Variants in EYA4 observed in about 807,000 individuals in gnomAD.
EYA4 encodes protein phosphatase EYA4.
In EYA4, 31 loss-of-function variants were observed where a neutral mutation model predicts 87.9. The ratio of observed to expected loss-of-function variants is 0.35; its 90% CI spans 0.27 to 0.48. The LOEUF (loss-of-function observed/expected upper bound fraction) is 0.48. Ranked by LOEUF, EYA4 falls within the 20% of genes least tolerant of loss-of-function variation. The pLI is 0.99. For missense variants in EYA4, 678 were observed against 761.4 expected, an observed-to-expected ratio of 0.89 and a Z score of 1.29; for synonymous variants, 263 against 270.6, an observed-to-expected ratio of 0.97 and a Z score of 0.28.
intron 6 of EYA4, among the ~76,000 whole-genome samples, chr6:133,459,971 T>C (rs1794235071): frequency 6.6e-6 from 1 of 152,116 alleles, no homozygotes; most frequent in Admixed American, 6.6e-5. Flanking sequence ...AAATAGCATT[T>C]TAAACACATT....
At chr6:133,455,945 A>G (rs1793865835) in intron 5 of EYA4, among the ~76,000 whole-genome samples, 1 of 152,144 alleles carries the variant, frequency 6.6e-6, no homozygotes, top group South Asian at 2.1e-4. Context: ...CAAAAGGTGT[A>G]CTTGCTGCTG....
At chr6:133,339,492 T>C (rs748074454) in intron 2 of EYA4, among the ~76,000 whole-genome samples, 1 of 152,112 alleles carries the variant, frequency 6.6e-6, no homozygotes, top group South Asian at 2.1e-4. Context: ...TGGGGAAATA[T>C]GATAACATGT....
At chr6:133,362,374 A>G (rs1304413257) in intron 2 of EYA4, among the ~76,000 whole-genome samples, 1 of 152,144 alleles carries the variant, frequency 6.6e-6, no homozygotes. Context: ...TGGGTTTGTA[A>G]TGCTGATGAA....
chr6:133,385,442 A>T (rs111985518), intron 3 of EYA4, among the ~76,000 whole-genome samples: 3,658 of 117,676 alleles, frequency 0.031, 135 homozygotes, highest in African/African-American at 0.12. Context: ...TGTGTGTGTG[A>T]GAGAGAGAGA....
In EYA4 at chr6:133,315,973, G is replaced by A. The variant is rs576454528; in HGVS notation, c.33+41160G>A. On this transcript the variant is annotated intron_variant, in intron 2 of 19. Coordinates refer to ENST00000355286, the MANE Select transcript of EYA4 (RefSeq NM_004100.5). ...CAGCAGCAAGGTCTGGCTAATGGGA[G>A]CAGGCTGTGACACTAGGCAGCATGT... 4.6e-5 allele frequency among the ~76,000 whole-genome samples: 7 copies of A among 152,264 alleles called. No homozygotes were observed. The South Asian group carries it at 1.5e-3, about 32-fold the overall frequency.
At chr6:133,397,476 C>G (rs576683439) in intron 3 of EYA4, among the ~76,000 whole-genome samples, 4 of 152,250 alleles carry the variant, frequency 2.6e-5, no homozygotes, top group Admixed American at 2.6e-4. Flanking sequence ...AATTTTATTT[C>G]ATGGAAAGGT....
intron 3 of EYA4, among the ~76,000 whole-genome samples, chr6:133,433,718 A>C (rs1791391784): frequency 1.3e-5 from 2 of 152,230 alleles, no homozygotes. Context: ...TAGGAACTTC[A>C]CTGGGAAAGA....
chr6:133,324,650 A>G (rs1334434450), intron 2 of EYA4, among the ~76,000 whole-genome samples: 3 of 152,138 alleles, frequency 2.0e-5, no homozygotes, highest in Non-Finnish European at 2.9e-5. Flanking sequence ...AAGTGGAAAG[A>G]TAGGAGACCA....
chr6:133,447,666 C>T (rs10872405), intron 4 of EYA4, among the ~76,000 whole-genome samples: 47,057 of 152,004 alleles, frequency 0.31, 7,620 homozygotes, highest in East Asian at 0.55. Flanking sequence ...AAAGTTTTCT[C>T]TGTAAGGTTG....
chr6:133,526,850 G>GC (rs928955390), intron 19 of EYA4, among the ~76,000 whole-genome samples: 1 of 152,172 alleles, frequency 6.6e-6, no homozygotes, highest in Non-Finnish European at 1.5e-5. Flanking sequence ...TAGTAATACA[G>GC]CCCCACTCCT....
At chr6:133,496,163 A>G (rs2128740087) in intron 13 of EYA4, among the ~76,000 whole-genome samples, 1 of 152,346 alleles carries the variant, frequency 6.6e-6, no homozygotes, top group East Asian at 1.9e-4. Context: ...ATTGCTAATA[A>G]CAAAAGTGAC....
intron 3 of EYA4, among the ~76,000 whole-genome samples, chr6:133,386,502 A>C (rs1174931821): frequency 6.6e-6 from 1 of 152,188 alleles, no homozygotes; most frequent in Non-Finnish European, 1.5e-5. Flanking sequence ...TATAACACAC[A>C]AATGATTTCT....
chr6:133,455,652 A>G (rs1346739400), intron 5 of EYA4, among the ~76,000 whole-genome samples: 3 of 152,100 alleles, frequency 2.0e-5, no homozygotes, highest in African/African-American at 7.2e-5. Flanking sequence ...CTTCTAAGTT[A>G]TTTAACTGTA....
intron 5 of EYA4, among the ~76,000 whole-genome samples, chr6:133,455,829 G>A (rs1205350662): frequency 6.6e-6 from 1 of 152,046 alleles, no homozygotes; most frequent in Non-Finnish European, 1.5e-5. Context: ...CACCCTTGTT[G>A]CATCTAATAA....
At chr6:133,439,358 G>C (rs1792043833) in intron 3 of EYA4, 1 of 152,124 alleles carries the variant, frequency 6.6e-6, no homozygotes, top group East Asian at 1.9e-4. Flanking sequence ...TTCTAAGATG[G>C]TTATGGCTTA....
intron 3 of EYA4, among the ~76,000 whole-genome samples, chr6:133,434,504 A>G (rs1048217603): frequency 1.1e-4 from 17 of 152,198 alleles, no homozygotes; most frequent in Admixed American, 1.3e-4. Flanking sequence ...TAATTCACAC[A>G]TTAGCCTTCC....
At chr6:133,451,323 A>G (rs1793419562) in intron 5 of EYA4, among the ~76,000 whole-genome samples, 1 of 152,234 alleles carries the variant, frequency 6.6e-6, no homozygotes, top group South Asian at 2.1e-4. Flanking sequence ...CATGGGTCAG[A>G]TTTGGCCCAA....
chr6:133,434,146 T>C (rs1285363462), intron 3 of EYA4, among the ~76,000 whole-genome samples: 1 of 152,110 alleles, frequency 6.6e-6, no homozygotes, highest in African/African-American at 2.4e-5. Flanking sequence ...ACTGAGGGAA[T>C]TGGAGATGCC....
At position 133,420,186 on chromosome 6, in the gene EYA4, A is replaced by G. The variant is rs547248677; in HGVS notation, c.84-26444A>G. 4.7e-4 allele frequency among the ~76,000 whole-genome samples: 71 copies of G among 152,060 alleles called. 1 individual carries two copies. The highest frequency in any genetic ancestry group is 1.5e-3 in the African/African-American group (62 of 41,478). On this transcript the variant is annotated intron_variant, in intron 3 of 19. Transcript: ENST00000355286. ...TGCAGAAATTTCCCATTATTAAGAG[A>G]TGTTAATAGTGAATATGCATTCATA... is the stretch of plus-strand genomic sequence containing the variant.
Sources: allele counts gnomAD v4.1 joint callset (sites outside exome capture counted in the v4.1 genomes callset), GRCh38; gene constraint gnomAD v4.1.1; transcripts MANE v1.5; gene names NCBI Gene and HGNC (gene_info 2026-07-23, HGNC 2026-07-21).